The following ATG10 variants were observed in gnomAD, a reference collection of about 807,000 sequenced individuals.
ATG10 encodes ubiquitin-like-conjugating enzyme ATG10.
In ATG10, 30 loss-of-function variants were observed where a neutral mutation model predicts 32.1. The ratio of observed to expected loss-of-function variants is 0.94; its 90% CI spans 0.70 to 1.27. ATG10 has a LOEUF of 1.27. Ranked by LOEUF, ATG10 falls within the 50% of genes most tolerant of loss-of-function variation. ATG10 has a pLI of 0.00. For synonymous variants in ATG10, 87 were observed against 91.5 expected, an observed-to-expected ratio of 0.95 and a Z score of 0.28; for missense variants, 233 against 262.3, an observed-to-expected ratio of 0.89 and a Z score of 0.77.
intron 3 of ATG10, among the ~76,000 whole-genome samples, chr5:82,125,920 T>G (rs1038966087): frequency 6.6e-6 from 1 of 152,226 alleles, no homozygotes; most frequent in Non-Finnish European, 1.5e-5. Flanking sequence ...TGGAATGTTT[T>G]TTTCTATTTG....
At chr5:82,082,511 T>G (rs1208480835) in intron 3 of ATG10, among the ~76,000 whole-genome samples, 1 of 152,192 alleles carries the variant, frequency 6.6e-6, no homozygotes, top group African/African-American at 2.4e-5. Flanking sequence ...TTAAAGACCC[T>G]CTTGAGAGTC....
chr5:81,987,573 GGAA>G lies in ATG10; in HGVS notation c.9_11del (p.Glu3del). The G allele has an allele frequency of 3.7e-6, 6 of 1,600,248 alleles. No homozygotes were observed. The South Asian group carries it at 4.5e-5, about 12-fold the overall frequency. On this transcript the variant is annotated inframe_deletion, in exon 2 of 8. Transcript: ENST00000282185. Reference sequence around the variant, plus strand: ...TTGTATTGCAGTTATCATTTAACATGGAAGAAGATGAGTTCATTGGAGAAAAAA... The same window carrying G: ...TTGTATTGCAGTTATCATTTAACATGGAAGATGAGTTCATTGGAGAAAAAA...
intron 3 of ATG10, among the ~76,000 whole-genome samples, chr5:82,064,150 G>C (rs180877564): frequency 2.0e-5 from 3 of 152,218 alleles, no homozygotes; most frequent in Non-Finnish European, 4.4e-5. Flanking sequence ...TAATTAATAA[G>C]TTTTATAATC....
intron 2 of ATG10, among the ~76,000 whole-genome samples, chr5:82,051,230 G>T (rs1221365347): frequency 1.3e-5 from 2 of 152,098 alleles, no homozygotes; most frequent in African/African-American, 4.8e-5. Flanking sequence ...ATACCATGGA[G>T]ATGGTGAATC....
At chr5:82,230,415 A>G (rs926226616) in intron 5 of ATG10, among the ~76,000 whole-genome samples, 2 of 152,184 alleles carry the variant, frequency 1.3e-5, no homozygotes, top group Non-Finnish European at 2.9e-5. Context: ...AAAGAGGAAT[A>G]TATAGTATAT....
chr5:82,119,324 A>C (rs1034432035), intron 3 of ATG10, among the ~76,000 whole-genome samples: 2 of 152,196 alleles, frequency 1.3e-5, no homozygotes, highest in Admixed American at 6.5e-5. Context: ...TTTTAAAGCA[A>C]TTAAAAGACA....
chr5:82,224,434 C>T (rs905279679), intron 5 of ATG10, among the ~76,000 whole-genome samples: 8 of 152,104 alleles, frequency 5.3e-5, no homozygotes. Flanking sequence ...GGGATCCAGG[C>T]CCCCAAAAGG....
At chr5:81,981,933 T>C (rs1761059510) in intron 1 of ATG10, among the ~76,000 whole-genome samples, 1 of 152,214 alleles carries the variant, frequency 6.6e-6, no homozygotes, top group South Asian at 2.1e-4. Flanking sequence ...TCTGGAAAGA[T>C]ATATTTGAAC....
intron 5 of ATG10, among the ~76,000 whole-genome samples, chr5:82,221,866 TTC>T: frequency 6.6e-6 from 1 of 152,326 alleles, no homozygotes; most frequent in East Asian, 1.9e-4. Context: ...TCAGCATTAA[TTC>T]TGAGTCTGAA....
At chr5:82,175,668 G>C (rs1378519940) in intron 4 of ATG10, among the ~76,000 whole-genome samples, 1 of 152,138 alleles carries the variant, frequency 6.6e-6, no homozygotes, top group Non-Finnish European at 1.5e-5. Context: ...AGCCCTGGTG[G>C]TCTTTCCACT....
intron 2 of ATG10, among the ~76,000 whole-genome samples, chr5:82,015,356 G>C (rs1264183430): frequency 6.6e-6 from 1 of 152,142 alleles, no homozygotes; most frequent in Non-Finnish European, 1.5e-5. Flanking sequence ...TGTATTTCCT[G>C]AATTTGAATA....
At chr5:82,195,111 C>G (rs1437925950) in intron 5 of ATG10, among the ~76,000 whole-genome samples, 4 of 152,096 alleles carry the variant, frequency 2.6e-5, no homozygotes, top group Non-Finnish European at 5.9e-5. Context: ...TAGTGTTGAC[C>G]CTGCTGGTCC....
At chr5:82,100,822 T>C (rs999834578) in intron 3 of ATG10, among the ~76,000 whole-genome samples, 9 of 149,218 alleles carry the variant, frequency 6.0e-5, no homozygotes, top group Non-Finnish European at 1.3e-4. Context: ...GCATGAGTCT[T>C]CAGTCTAGAG....
At chr5:82,252,473 C>T (rs1747292263) in intron 5 of ATG10, 89 bp from the exon 6 acceptor site, 1 of 792,344 alleles carries the variant, frequency 1.3e-6, no homozygotes, top group African/African-American at 1.8e-5. Context: ...TTGAGACAAA[C>T]CTTTATTTTA....
intron 2 of ATG10, among the ~76,000 whole-genome samples, chr5:82,041,420 G>A (rs112845244): frequency 6.6e-6 from 1 of 152,122 alleles, no homozygotes; most frequent in African/African-American, 2.4e-5. Flanking sequence ...CTAGGTTTTT[G>A]AGATATTTGT....
At chr5:82,229,288 G>A (rs536069957) in intron 5 of ATG10, among the ~76,000 whole-genome samples, 1 of 152,306 alleles carries the variant, frequency 6.6e-6, no homozygotes, top group East Asian at 1.9e-4. Context: ...AGACAGGAAA[G>A]AATAAATGAG....
intron 3 of ATG10, among the ~76,000 whole-genome samples, chr5:82,149,748 A>G (rs977685334): frequency 1.3e-5 from 2 of 152,146 alleles, no homozygotes; most frequent in African/African-American, 4.8e-5. Flanking sequence ...TCTCAGAGAA[A>G]ATGCATATTC....
chr5:82,171,047 C>T (rs1462375549), intron 4 of ATG10, among the ~76,000 whole-genome samples: 1 of 152,120 alleles, frequency 6.6e-6, no homozygotes, highest in Non-Finnish European at 1.5e-5. Context: ...ATAGTGGTAT[C>T]ACAGGGCTGA....
chr5:82,252,163 G>A (rs1386149624), intron 5 of ATG10, among the ~76,000 whole-genome samples: 1 of 152,158 alleles, frequency 6.6e-6, no homozygotes, highest in Non-Finnish European at 1.5e-5. Flanking sequence ...TCTTACCATT[G>A]ACAAAGAGGT....
Sources: allele counts gnomAD v4.1 joint callset (sites outside exome capture counted in the v4.1 genomes callset), GRCh38; gene constraint gnomAD v4.1.1; transcripts MANE v1.5; gene names NCBI Gene and HGNC (gene_info 2026-07-23, HGNC 2026-07-21).